The following GRIA4 variants were observed in gnomAD, a reference collection of about 807,000 sequenced individuals.
The protein encoded by GRIA4 is glutamate receptor 4.
GRIA4 carries 34 observed loss-of-function variants against 104.0 expected under a neutral mutation model. That is an observed-to-expected ratio of 0.33 (90% CI 0.25 to 0.44). GRIA4 has a LOEUF of 0.44. Among genes scored for constraint, GRIA4 ranks in the 20% least tolerant of loss-of-function variants. GRIA4 has a pLI of 1.00. For synonymous variants in GRIA4, 386 were observed against 381.9 expected (o/e 1.01, Z -0.13); for missense variants, 750 against 1,096.5 (o/e 0.68, Z 4.46).
chr11:105,615,032 A>T (rs1950566076), intron 3 of GRIA4, among the ~76,000 whole-genome samples: 7 of 151,956 alleles, frequency 4.6e-5, no homozygotes, highest in Admixed American at 4.6e-4. Flanking sequence ...GTCATGTTAG[A>T]TTAAATATAA....
rs969561800 is a variant in GRIA4 at position 105,894,848 on chromosome 11, G to A, written c.727-3421G>A. ...CGCTCTGTCGCCCAGGCTGGACTGCGGACTGCAGTGGCGCAATCTCGGCTC... is the reference window on the plus strand; with the variant it reads ...CGCTCTGTCGCCCAGGCTGGACTGCAGACTGCAGTGGCGCAATCTCGGCTC... On this transcript the variant is annotated intron_variant, in intron 6 of 16. Coordinates refer to ENST00000282499, the MANE Select transcript of GRIA4 (RefSeq NM_000829.4). 1.3e-4 allele frequency among the ~76,000 whole-genome samples: 13 copies of A among 100,416 alleles called. 1 individual carries two copies. The highest frequency in any genetic ancestry group is 1.8e-4 in the African/African-American group (5 of 27,118). The allele number at this position is 100,416 out of a possible 152,430, so 65.9% of individuals were successfully genotyped here.
intron 4 of GRIA4, among the ~76,000 whole-genome samples, chr11:105,800,093 CA>C (rs1168761363): frequency 6.6e-6 from 1 of 151,882 alleles, no homozygotes; most frequent in South Asian, 2.1e-4. Context: ...AAAGATAGAA[CA>C]AAAAAAGTAG....
chr11:105,644,526 C>T (rs931309562), intron 3 of GRIA4, among the ~76,000 whole-genome samples: 2 of 152,004 alleles, frequency 1.3e-5, no homozygotes, highest in African/African-American at 2.4e-5. Context: ...ATTGCTTGAA[C>T]CTGGGAGATG....
At chr11:105,875,106 T>C (rs948533868) in intron 5 of GRIA4, among the ~76,000 whole-genome samples, 31 of 152,108 alleles carry the variant, frequency 2.0e-4, no homozygotes, top group African/African-American at 7.5e-4. Flanking sequence ...CTAGTTTATT[T>C]AGAGTTTTTA....
chr11:105,818,479 C>T (rs1943461518), intron 4 of GRIA4, among the ~76,000 whole-genome samples: 1 of 152,142 alleles, frequency 6.6e-6, no homozygotes, highest in Non-Finnish European at 1.5e-5. Context: ...CTTCATCTTG[C>T]TTGCTTACTA....
intron 4 of GRIA4, among the ~76,000 whole-genome samples, chr11:105,772,637 T>C (rs1350296251): frequency 6.6e-6 from 1 of 152,092 alleles, no homozygotes; most frequent in African/African-American, 2.4e-5. Flanking sequence ...AAAAGTCAAC[T>C]GTATATATTA....
intron 9 of GRIA4, among the ~76,000 whole-genome samples, chr11:105,907,075 T>C (rs1038126584): frequency 5.3e-5 from 8 of 152,182 alleles, no homozygotes; most frequent in Admixed American, 5.2e-4. Context: ...TCATTCTCTA[T>C]AAGAGAAAGA....
intron 4 of GRIA4, among the ~76,000 whole-genome samples, chr11:105,776,385 T>C (rs1271645787): frequency 6.6e-6 from 1 of 152,190 alleles, no homozygotes; most frequent in Non-Finnish European, 1.5e-5. Flanking sequence ...ATTATATGAA[T>C]ATATCAAACT....
chr11:105,770,968 A>T (rs1230456477), intron 4 of GRIA4, among the ~76,000 whole-genome samples: 2 of 152,020 alleles, frequency 1.3e-5, no homozygotes, highest in Non-Finnish European at 2.9e-5. Flanking sequence ...ATTTTCTTTC[A>T]TAGTCGAAGA....
intron 4 of GRIA4, among the ~76,000 whole-genome samples, chr11:105,838,128 C>G (rs1418891442): frequency 6.6e-6 from 1 of 152,144 alleles, no homozygotes; most frequent in Non-Finnish European, 1.5e-5. Context: ...TTATTTAACA[C>G]TAGCATTATT....
intron 4 of GRIA4, among the ~76,000 whole-genome samples, chr11:105,784,330 A>G (rs1218774378): frequency 6.6e-6 from 1 of 152,234 alleles, no homozygotes; most frequent in Admixed American, 6.5e-5. Flanking sequence ...AGACTTTCAA[A>G]AGCAGTTTCT....
chr11:105,723,096 G>T (rs917141551), intron 3 of GRIA4, among the ~76,000 whole-genome samples: 3 of 151,976 alleles, frequency 2.0e-5, no homozygotes, highest in Non-Finnish European at 4.4e-5. Flanking sequence ...GAAGTAGACC[G>T]CTGGCTAAAA....
intron 13 of GRIA4, among the ~76,000 whole-genome samples, chr11:105,933,081 T>A (rs66895258): frequency 0.1 from 12,829 of 127,544 alleles, 759 homozygotes; most frequent in Non-Finnish European, 0.15. Context: ...TTTAAAAAAA[T>A]TTTTTTTTTA....
At chr11:105,799,565 A>T (rs965158251) in intron 4 of GRIA4, among the ~76,000 whole-genome samples, 1 of 152,128 alleles carries the variant, frequency 6.6e-6, no homozygotes, top group African/African-American at 2.4e-5. Flanking sequence ...CAGGGTAGAC[A>T]TAAAGGATTT....
At chr11:105,925,513 T>C (rs1190411174) in intron 12 of GRIA4, among the ~76,000 whole-genome samples, 1 of 152,136 alleles carries the variant, frequency 6.6e-6, no homozygotes, top group African/African-American at 2.4e-5. Flanking sequence ...GTTGACTATA[T>C]ATTAGCATCA....
chr11:105,793,441 T>C (rs1438502113), intron 4 of GRIA4, among the ~76,000 whole-genome samples: 1 of 152,138 alleles, frequency 6.6e-6, no homozygotes. Flanking sequence ...AAGAGACCCA[T>C]AGAATCCCAC....
intron 3 of GRIA4, among the ~76,000 whole-genome samples, chr11:105,671,179 T>C (rs1202365296): frequency 5.3e-5 from 8 of 152,134 alleles, no homozygotes; most frequent in Non-Finnish European, 7.4e-5. Flanking sequence ...TTTCTTTTGC[T>C]GTGTAAGGTA....
At chr11:105,618,079 T>G (rs1379729868) in intron 3 of GRIA4, among the ~76,000 whole-genome samples, 1 of 151,818 alleles carries the variant, frequency 6.6e-6, no homozygotes, top group East Asian at 1.9e-4. Flanking sequence ...AGACACCAAG[T>G]TGTGGGACAG....
At chr11:105,821,408 T>C (rs1261713441) in intron 4 of GRIA4, among the ~76,000 whole-genome samples, 1 of 152,058 alleles carries the variant, frequency 6.6e-6, no homozygotes, top group Non-Finnish European at 1.5e-5. Flanking sequence ...AATTGGCTCA[T>C]GGTTCTACAG....
Sources: allele counts gnomAD v4.1 joint callset (sites outside exome capture counted in the v4.1 genomes callset), GRCh38; gene constraint gnomAD v4.1.1; transcripts MANE v1.5; gene names NCBI Gene and HGNC (gene_info 2026-07-23, HGNC 2026-07-21).